Variants in CKAP5 observed in about 807,000 individuals in gnomAD.
CKAP5 encodes the protein cytoskeleton-associated protein 5.
In CKAP5, 27 loss-of-function variants were observed where a neutral mutation model predicts 232.8. That is an observed-to-expected ratio of 0.12 (90% CI 0.09 to 0.16). CKAP5 has a LOEUF of 0.16. Ranked by LOEUF, CKAP5 falls within the 10% of genes least tolerant of loss-of-function variation. CKAP5 has a pLI of 1.00. For synonymous variants in CKAP5, 785 were observed against 841.1 expected, an observed-to-expected ratio of 0.93 and a Z score of 1.16; for missense variants, 1,838 against 2,424.7, an observed-to-expected ratio of 0.76 and a Z score of 5.08.
intron 16 of CKAP5, among the ~76,000 whole-genome samples, chr11:46,788,392 T>G (rs533986375): frequency 6.6e-6 from 1 of 152,178 alleles, no homozygotes; most frequent in Non-Finnish European, 1.5e-5. Context: ...CTGACCAACA[T>G]AGAGAAACCG....
intron 18 of CKAP5, among the ~76,000 whole-genome samples, chr11:46,781,657 C>A (rs1031382797): frequency 2.0e-5 from 3 of 152,136 alleles, no homozygotes; most frequent in African/African-American, 7.2e-5. Context: ...GAATGCTCCT[C>A]TCTGATTATC....
chr11:46,772,890 T>G (rs1470370897), intron 24 of CKAP5, among the ~76,000 whole-genome samples: 1 of 151,912 alleles, frequency 6.6e-6, no homozygotes, highest in Admixed American at 6.6e-5. Context: ...TACAGGCGCA[T>G]GCCACCACAC....
chr11:46,815,650 T>A (rs1380077105), intron 4 of CKAP5, among the ~76,000 whole-genome samples: 2 of 152,200 alleles, frequency 1.3e-5, no homozygotes, highest in Non-Finnish European at 2.9e-5. Context: ...TTCATCTTCA[T>A]TAGAAAGGGA....
At position 46,801,253 on chromosome 11, in the gene CKAP5, G is replaced by A; in HGVS notation, c.1030C>T (p.Leu344Phe). The change falls in exon 9 of 44, where the codon CTT becomes TTT. Residue 344 changes from leucine to phenylalanine, a missense_variant. Leu to Phe is a conservative substitution (Grantham distance 22). Coordinates refer to ENST00000529230, the MANE Select transcript of CKAP5 (RefSeq NM_001008938.4). ...VMLVALAAKCLTGLAVGLRKK... is the reference protein window; with the variant it reads ...VMLVALAAKCFTGLAVGLRKK... ...CTTAGCCCAACAGCCAGGCCAGTAA[G>A]ACATTTTGCTGCCAAAGCCACCAAC... 1.2e-6 allele frequency: 2 copies of A among 1,613,890 alleles called. No individual in the cohort carries two copies.
chr11:46,750,353 G>A lies in CKAP5; in HGVS notation c.5625C>T (p.Phe1875=), dbSNP rs1421376035. Residue 1875 remains phenylalanine, a synonymous_variant, in exon 42 of 44, where the codon TTC becomes TTT. Coordinates refer to ENST00000529230, the MANE Select transcript of CKAP5 (RefSeq NM_001008938.4). ...GGCCTCTTTCGACATAGCTCTGGAA[G>A]AACTGTGAGGAATTTTTCAGAAATG... ...IEPFLKNSSQ[F]FQSYVERGLR... is the part of the protein sequence containing the mutation. 1.9e-6 allele frequency: 3 copies of A among 1,614,104 alleles called. No homozygotes were observed. The highest frequency in any genetic ancestry group is 2.5e-6 in the Non-Finnish European group (3 of 1,179,972).
chr11:46,773,710 T>C lies in CKAP5; in HGVS notation c.2991+2545A>G, dbSNP rs918167487. Among the ~76,000 whole-genome samples, 18 of 151,696 alleles carry C rather than the reference T, an allele frequency of 1.2e-4. No homozygotes were observed. In the East Asian group the frequency reaches 3.5e-3, roughly 29 times the overall value. ...GGCCCGCACCACCACACCCAGCTAA[T>C]TTTTTGTATTTTTAGTAGAGACAGG... On this transcript the variant is annotated intron_variant, in intron 24 of 43. Transcript: ENST00000529230.
At chr11:46,790,276 A>G (rs1938685428) in intron 14 of CKAP5, 90 bp from the exon 15 acceptor site, 1 of 883,050 alleles carries the variant, frequency 1.1e-6, no homozygotes. Flanking sequence ...AACTAAAAGA[A>G]TACTCCCATA....
chr11:46,822,889 T>C (rs373877913), intron 1 of CKAP5, among the ~76,000 whole-genome samples: 4 of 152,340 alleles, frequency 2.6e-5, no homozygotes, highest in African/African-American at 9.6e-5. Flanking sequence ...TGAACCTTTA[T>C]ACATATTCTT....
chr11:46,765,820 G>A (rs988598090), intron 27 of CKAP5, among the ~76,000 whole-genome samples: 12 of 151,868 alleles, frequency 7.9e-5, no homozygotes, highest in African/African-American at 2.4e-5. Flanking sequence ...GTCCAGGCTG[G>A]TCTCGAGCTC....
chr11:46,825,377 T>C (rs1008889686), intron 1 of CKAP5, among the ~76,000 whole-genome samples: 4 of 152,236 alleles, frequency 2.6e-5, no homozygotes, highest in Non-Finnish European at 5.9e-5. Context: ...CTATGTCTCC[T>C]ACTTCTCAGT....
At chr11:46,795,516 A>G in intron 13 of CKAP5, 78 bp downstream of exon 13, 2 of 1,208,202 alleles carry the variant, frequency 1.7e-6, no homozygotes, top group East Asian at 2.4e-5. Flanking sequence ...CTCAAACAAA[A>G]TAATTTTAGA....
chr11:46,751,633 G>T, intron 38 of CKAP5, 99 bp from the exon 39 acceptor site: 1 of 1,006,560 alleles, frequency 9.9e-7, no homozygotes, highest in Non-Finnish European at 1.5e-6. Context: ...TCTAAAAGAT[G>T]GCCAGGGCTA....
In CKAP5 at chr11:46,762,099, G is replaced by A; in HGVS notation, c.4122C>T (p.His1374=). The change falls in exon 32 of 44, where the codon CAC becomes CAT. Residue 1374 remains histidine (H), a synonymous_variant. Coordinates refer to ENST00000529230, the MANE Select transcript of CKAP5 (RefSeq NM_001008938.4). The part of the protein sequence containing the change: ...PGKALKEIAV[H]IGDRDNAVRN... Reference sequence around the variant, plus strand: ...GTACAGCATTGTCACGGTCTCCTATGTGAACAGCTATTTCCTTTAAGGCTT... The same window carrying A: ...GTACAGCATTGTCACGGTCTCCTATATGAACAGCTATTTCCTTTAAGGCTT... 1 of 1,614,190 alleles carries A rather than the reference G, an allele frequency of 6.2e-7. No homozygotes were observed. The highest frequency in any genetic ancestry group is 8.5e-7 in the Non-Finnish European group (1 of 1,180,012).
chr11:46,798,005 A>C (rs1321418090), intron 10 of CKAP5, 36 bp from the exon 11 acceptor site: 2 of 1,605,554 alleles, frequency 1.2e-6, no homozygotes, highest in African/African-American at 1.3e-5. Flanking sequence ...AGCTTTTTTC[A>C]ATTGTAAAGA....
At position 46,765,136 on chromosome 11, in the gene CKAP5, A is replaced by G. The variant is rs2065191114; in HGVS notation, c.3532T>C (p.Leu1178=). The G allele has an allele frequency of 6.2e-7, 1 of 1,611,904 alleles. No homozygotes were observed. The highest frequency in any genetic ancestry group is 8.5e-7 in the Non-Finnish European group (1 of 1,179,164). Residue 1178 remains leucine, a synonymous_variant, in exon 28 of 44, where the codon TTG becomes CTG. Transcript: ENST00000529230. ...KEQRMKDEKG[L]KVLKWNFTTP... ...GATTCTTAATCCTTCCTTACCTTCA[A>G]TCCTTTTTCATCTTTCATCCTTTGC... is the stretch of plus-strand genomic sequence containing the variant.
In CKAP5 at chr11:46,812,812, T is replaced by C. The variant is rs1565748597; in HGVS notation, c.459-1634A>G. Among the ~76,000 whole-genome samples, 3 of 152,050 alleles carry C rather than the reference T, an allele frequency of 2.0e-5. No homozygotes were observed. In the South Asian group the frequency reaches 6.2e-4, roughly 32 times the overall value. ...ACCACCATGCCCGGCTAATTTTTTT[T>C]TTGTATTTTTTGTAGAGACGGGGTT... On this transcript the variant is annotated intron_variant, in intron 4 of 43. Coordinates refer to ENST00000529230, the MANE Select transcript of CKAP5 (RefSeq NM_001008938.4).
intron 20 of CKAP5, 152 bp downstream of exon 20, chr11:46,780,042 A>T: frequency 1.3e-6 from 1 of 775,602 alleles, no homozygotes; most frequent in Non-Finnish European, 2.1e-6. Flanking sequence ...GGCATAGCAC[A>T]CTACAGCCCA....
chr11:46,763,803 ACT>A (rs1162116706), intron 28 of CKAP5, among the ~76,000 whole-genome samples, 173 bp from the exon 29 acceptor site: 3 of 152,148 alleles, frequency 2.0e-5, no homozygotes, highest in East Asian at 3.8e-4. Flanking sequence ...AAGCTTAACA[ACT>A]CTGAAAATCT....
chr11:46,830,957 C>T (rs1241301506), intron 1 of CKAP5, among the ~76,000 whole-genome samples: 1 of 151,826 alleles, frequency 6.6e-6, no homozygotes. Flanking sequence ...CCCAGCTACT[C>T]GGGAGGCTGA....
Sources: gnomAD v4.1 joint callset for allele counts (sites outside exome capture counted in the v4.1 genomes callset) on GRCh38, gnomAD v4.1.1 for gene constraint, MANE v1.5 for transcripts, NCBI Gene and HGNC (gene_info 2026-07-23, HGNC 2026-07-21) for gene names.